The following ATP8A1 variants were observed in gnomAD, a reference collection of about 807,000 sequenced individuals.
The protein encoded by ATP8A1 is ATPase phospholipid transporting 8A1, also known as phospholipid-transporting ATPase IA.
A neutral mutation model predicts 177.7 loss-of-function variants in ATP8A1; 90 were observed. The observed-to-expected ratio is 0.51, with a 90% CI of 0.43 to 0.60. The LOEUF is 0.60. Among genes scored for constraint, ATP8A1 ranks in the 20% least tolerant of loss-of-function variants. The pLI is 0.00. For missense variants in ATP8A1, 1,072 were observed against 1,392.8 expected, an observed-to-expected ratio of 0.77 and a Z score of 3.67; for synonymous variants, 493 against 485.9, an observed-to-expected ratio of 1.01 and a Z score of -0.19.
chr4:42,625,562 T>C, intron 3 of ATP8A1, 52 bp downstream of exon 3: 1 of 1,296,336 alleles, frequency 7.7e-7, no homozygotes, highest in South Asian at 1.4e-5. Flanking sequence ...GTCACGGGCT[T>C]AACATTTATT....
At chr4:42,441,782 C>A (rs111806359) in intron 33 of ATP8A1, among the ~76,000 whole-genome samples, 3,009 of 152,322 alleles carry the variant, frequency 0.02, 58 homozygotes, top group South Asian at 0.088. Flanking sequence ...GCTAGTCAAG[C>A]CTACCCTACA....
chr4:42,569,878 G>C (rs779037090), intron 14 of ATP8A1, among the ~76,000 whole-genome samples: 1 of 152,174 alleles, frequency 6.6e-6, no homozygotes, highest in Non-Finnish European at 1.5e-5. Context: ...AAGTCTGATA[G>C]ATGTACTTCA....
chr4:42,524,825 A>C lies in ATP8A1; in HGVS notation c.1745T>G (p.Leu582Arg). The change falls in exon 21 of 37, where the codon CTG becomes CGG. Residue 582 changes from leucine to arginine, a missense_variant. Physicochemically the swap from Leu to Arg is moderately radical, Grantham distance 102. Coordinates refer to ENST00000381668, the MANE Select transcript of ATP8A1 (RefSeq NM_006095.2). Reference sequence around the variant, plus strand: ...TTCTTTGTATTTTGACGTCTCTGCCAGTCGATCATAAATTACAGTGTCCTG... The same window carrying C: ...TTCTTTGTATTTTGACGTCTCTGCCCGTCGATCATAAATTACAGTGTCCTG... ...KGADTVIYDRLAETSKYKEIT... is the reference protein window; with the variant it reads ...KGADTVIYDRRAETSKYKEIT... The C allele has an allele frequency of 6.2e-7, 1 of 1,609,418 alleles. No individual in the cohort carries two copies. Among genetic ancestry groups the C allele is most frequent in the Non-Finnish European group, 8.5e-7 (1 of 1,177,956 alleles).
At chr4:42,427,148 GA>G (rs917314010) in intron 33 of ATP8A1, among the ~76,000 whole-genome samples, 1 of 151,604 alleles carries the variant, frequency 6.6e-6, no homozygotes, top group Non-Finnish European at 1.5e-5. Context: ...TAAAAACAGT[GA>G]AAAAAAACTA....
chr4:42,471,298 T>C (rs1720374464), intron 25 of ATP8A1, among the ~76,000 whole-genome samples: 1 of 152,202 alleles, frequency 6.6e-6, no homozygotes. Flanking sequence ...TCTGTTGATA[T>C]ACTGTGCAGT....
At chr4:42,568,198 C>G (rs1354139635) in intron 15 of ATP8A1, among the ~76,000 whole-genome samples, 1 of 152,198 alleles carries the variant, frequency 6.6e-6, no homozygotes, top group Non-Finnish European at 1.5e-5. Context: ...AAGAACCAAA[C>G]AGCTGCCTGT....
chr4:42,531,465 T>C (rs921138415), intron 20 of ATP8A1, among the ~76,000 whole-genome samples: 1 of 152,150 alleles, frequency 6.6e-6, no homozygotes, highest in Non-Finnish European at 1.5e-5. Flanking sequence ...TAACATCATA[T>C]TGAAAAGGGA....
chr4:42,461,255 T>C (rs1333342569), intron 27 of ATP8A1, among the ~76,000 whole-genome samples: 3 of 150,986 alleles, frequency 2.0e-5, no homozygotes, highest in African/African-American at 7.3e-5. Context: ...TTTCTTTTTT[T>C]TTTTTTTGCT....
At chr4:42,526,892 C>G (rs949449578) in intron 20 of ATP8A1, among the ~76,000 whole-genome samples, 1 of 152,082 alleles carries the variant, frequency 6.6e-6, no homozygotes, top group African/African-American at 2.4e-5. Flanking sequence ...AGGACTCTAC[C>G]TGTAGTATGG....
At chr4:42,494,120 G>T (rs1241909463) in intron 24 of ATP8A1, among the ~76,000 whole-genome samples, 1 of 117,776 alleles carries the variant, frequency 8.5e-6, no homozygotes, top group East Asian at 3.0e-4. Context: ...AGAATTTCTT[G>T]AACCCAGGAG....
intron 22 of ATP8A1, among the ~76,000 whole-genome samples, chr4:42,516,468 C>T (rs1469361386): frequency 2.0e-5 from 3 of 152,164 alleles, no homozygotes; most frequent in African/African-American, 4.8e-5. Flanking sequence ...CAGGGAAATA[C>T]TGCTTTAATC....
intron 4 of ATP8A1, among the ~76,000 whole-genome samples, chr4:42,618,271 T>C (rs901729123): frequency 5.3e-5 from 8 of 152,246 alleles, no homozygotes; most frequent in Non-Finnish European, 1.0e-4. Flanking sequence ...AGCAATGGTA[T>C]TGCTCAAGGC....
chr4:42,622,054 T>A lies in ATP8A1; in HGVS notation c.363+2482A>T, dbSNP rs530448083. ...TGTAGAAGACTGAAACTACATCATA[T>A]ACAAAACTCATCTCAAGATGGATTA... On this transcript the variant is annotated intron_variant, in intron 4 of 36. Coordinates refer to ENST00000381668, the MANE Select transcript of ATP8A1 (RefSeq NM_006095.2). Among the ~76,000 whole-genome samples, 193 of 152,250 alleles carry A rather than the reference T, an allele frequency of 1.3e-3. 1 individual carries two copies. The highest frequency in any genetic ancestry group is 3.4e-3 in the Middle Eastern group (1 of 294).
intron 9 of ATP8A1, among the ~76,000 whole-genome samples, chr4:42,583,378 G>A (rs1733304006): frequency 6.6e-6 from 1 of 152,172 alleles, no homozygotes; most frequent in Admixed American, 6.5e-5. Context: ...GTGCATTTCA[G>A]AGTTGAAAGG....
intron 16 of ATP8A1, among the ~76,000 whole-genome samples, chr4:42,553,613 C>T (rs946325605): frequency 1.3e-5 from 2 of 151,272 alleles, no homozygotes; most frequent in African/African-American, 4.9e-5. Context: ...TTTCTCTATG[C>T]TCTTGGGCAA....
chr4:42,585,332 T>G (rs1009598606), intron 9 of ATP8A1, among the ~76,000 whole-genome samples: 1 of 151,852 alleles, frequency 6.6e-6, no homozygotes, highest in East Asian at 1.9e-4. Context: ...ATTGTTTGTA[T>G]GTTTGCCATT....
At chr4:42,419,419 C>A (rs1393356705) in intron 35 of ATP8A1, among the ~76,000 whole-genome samples, 1 of 151,998 alleles carries the variant, frequency 6.6e-6, no homozygotes, top group Non-Finnish European at 1.5e-5. Context: ...GATCAGTGTA[C>A]CTATAGAAGT....
rs371128715 is a variant in ATP8A1, at chr4:42,656,609, CGGA to C, written c.49+213_49+215del. On this transcript the variant is annotated intron_variant, in intron 1 of 36. Coordinates refer to ENST00000381668, the MANE Select transcript of ATP8A1 (RefSeq NM_006095.2). ...TGCAAAGCACGCCTCGGGGCTCCCG[CGGA>C]GAACACCCATTCGAGGGTACTGGAG... Among the ~76,000 whole-genome samples, 11 of 152,194 alleles carry C rather than the reference CGGA, an allele frequency of 7.2e-5. No individual in the cohort carries two copies. In the South Asian group the frequency reaches 1.5e-3, roughly 20 times the overall value.
At chr4:42,492,197 ACAAGTATCCAG>A (rs1722808175) in intron 24 of ATP8A1, among the ~76,000 whole-genome samples, 1 of 152,194 alleles carries the variant, frequency 6.6e-6, no homozygotes, top group South Asian at 2.1e-4. Flanking sequence ...CCAAACAAAA[ACAAGTATCCAG>A]CATCTATACT....
Sources: allele counts gnomAD v4.1 joint callset (sites outside exome capture counted in the v4.1 genomes callset), GRCh38; gene constraint gnomAD v4.1.1; transcripts MANE v1.5; gene names NCBI Gene and HGNC (gene_info 2026-07-23, HGNC 2026-07-21).